WWP2: variants seen among roughly 807,000 people sequenced by gnomAD.
The protein encoded by WWP2 is WW domain containing E3 ubiquitin protein ligase 2.
Under a neutral mutation model 121.0 loss-of-function variants are expected in WWP2, and 57 were observed. That is an observed-to-expected ratio of 0.47 (90% CI 0.38 to 0.59). The LOEUF is 0.59. Among genes scored for constraint, WWP2 ranks in the 20% least tolerant of loss-of-function variants. The pLI is 0.00. For synonymous variants in WWP2, 449 were observed against 441.3 expected (o/e 1.02, Z -0.22); for missense variants, 962 against 1,158.9 (o/e 0.83, Z 2.47).
chr16:69,828,546 C>T (rs1330264147), intron 4 of WWP2, among the ~76,000 whole-genome samples: 3 of 151,900 alleles, frequency 2.0e-5, no homozygotes. Context: ...TTGTATTTTT[C>T]GTAGAGACGG....
rs957565346 is a variant in WWP2, at chr16:69,770,988, G to A, written c.-16+8597G>A. Among the ~76,000 whole-genome samples the A allele has an allele frequency of 8.6e-5, 13 of 151,462 alleles. No individual in the cohort carries two copies. The East Asian group carries it at 2.5e-3, about 29-fold the overall frequency. On this transcript the variant is annotated intron_variant, in intron 1 of 23. Transcript: ENST00000359154. Reference sequence around the variant, plus strand: ...TCTCTATTAAAAAAAAAAAAAAAAGGTAGTATTCTGTGTTGTGAGAGTATA... The same window carrying A: ...TCTCTATTAAAAAAAAAAAAAAAAGATAGTATTCTGTGTTGTGAGAGTATA...
At chr16:69,864,422 A>G (rs1005966708) in intron 6 of WWP2, among the ~76,000 whole-genome samples, 3 of 152,190 alleles carry the variant, frequency 2.0e-5, no homozygotes, top group South Asian at 2.1e-4. Flanking sequence ...CCAAGCATAT[A>G]TTTAACTTTA....
At chr16:69,917,365 T>C (rs2058492589) in intron 9 of WWP2, among the ~76,000 whole-genome samples, 1 of 152,226 alleles carries the variant, frequency 6.6e-6, no homozygotes, top group South Asian at 2.1e-4. Flanking sequence ...TGAGCAACTA[T>C]TATTTTTCCT....
chr16:69,921,040 ATTC>A (rs1411696893), intron 10 of WWP2, among the ~76,000 whole-genome samples: 2 of 152,148 alleles, frequency 1.3e-5, no homozygotes, highest in Non-Finnish European at 2.9e-5. Flanking sequence ...ACACTAAAAA[ATTC>A]TTCTTTCTGA....
chr16:69,789,599 T>C (rs746549139), intron 2 of WWP2, among the ~76,000 whole-genome samples: 2 of 152,214 alleles, frequency 1.3e-5, no homozygotes, highest in Non-Finnish European at 2.9e-5. Flanking sequence ...TTGTTTCTTG[T>C]GTGTCTCTTC....
At chr16:69,924,984 T>A (rs1285499421) in intron 10 of WWP2, 1 of 989,172 alleles carries the variant, frequency 1.0e-6, no homozygotes, top group Non-Finnish European at 1.2e-6. Flanking sequence ...GCCTGCGATA[T>A]TTTTTCCCCT....
chr16:69,928,169 T>C (rs966779823), intron 11 of WWP2, among the ~76,000 whole-genome samples: 4 of 152,162 alleles, frequency 2.6e-5, no homozygotes, highest in Admixed American at 6.5e-5. Flanking sequence ...CCTGTTCTGC[T>C]CCTTTTTCAG....
At chr16:69,764,396 TTGCCCGGGC>T (rs2151761428) in intron 1 of WWP2, among the ~76,000 whole-genome samples, 1 of 152,240 alleles carries the variant, frequency 6.6e-6, no homozygotes, top group African/African-American at 2.4e-5. Flanking sequence ...TTTTGCTATG[TTGCCCGGGC>T]TGTTTTCAAA....
chr16:69,934,525 T>C (rs143050571), intron 17 of WWP2, among the ~76,000 whole-genome samples: 10 of 151,386 alleles, frequency 6.6e-5, no homozygotes, highest in Admixed American at 5.9e-4. Context: ...ACATTAAATA[T>C]GTGCTCTGTT....
rs758627189 is a variant in WWP2, at chr16:69,931,193, G to A, written c.1487G>A (p.Arg496Gln). The change falls in exon 14 of 24, where the codon CGG becomes CAG. Residue 496 changes from arginine (R) to glutamine (Q), a missense_variant. By Grantham distance (43) the Arg-to-Gln change is conservative. Transcript: ENST00000359154. ...CCTGGTGCTTATGACCGCAGTTTTC[G>A]GTGGAAGTATCACCAGTTCCGTTTC... is the stretch of plus-strand genomic sequence containing the variant. The part of the protein sequence containing the change: ...GSPGAYDRSF[R>Q]WKYHQFRFLC... The A allele has an allele frequency of 7.4e-6, 12 of 1,614,012 alleles. No individual in the cohort carries two copies. In the East Asian group the frequency reaches 8.9e-5, roughly 12 times the overall value.
intron 10 of WWP2, 50 bp downstream of exon 10, chr16:69,917,933 C>T (rs905570368): frequency 3.1e-5 from 47 of 1,540,492 alleles, no homozygotes; most frequent in Middle Eastern, 2.0e-4. Flanking sequence ...CCTGCGCTTG[C>T]GAATGTGCAG....
chr16:69,881,577 A>C (rs1395720591), intron 7 of WWP2, among the ~76,000 whole-genome samples: 1 of 152,268 alleles, frequency 6.6e-6, no homozygotes, highest in East Asian at 1.9e-4. Context: ...TGATTATATA[A>C]GATAGTATTA....
In WWP2 at chr16:69,792,134, G is replaced by A. The variant is rs568091562; in HGVS notation, c.70+5054G>A. Among the ~76,000 whole-genome samples, 12 of 152,232 alleles carry A rather than the reference G, an allele frequency of 7.9e-5. 1 individual carries two copies. The highest frequency in any genetic ancestry group is 2.6e-4 in the African/African-American group (11 of 41,524). Reference sequence around the variant, plus strand: ...TGTAACCTGTGGGGTGTGACTGCGCGGTTTCCAGTTCCCTTGTGCCTGCCC... The same window carrying A: ...TGTAACCTGTGGGGTGTGACTGCGCAGTTTCCAGTTCCCTTGTGCCTGCCC... On this transcript the variant is annotated intron_variant, in intron 2 of 23. Coordinates refer to ENST00000359154, the MANE Select transcript of WWP2 (RefSeq NM_001270454.2).
At chr16:69,836,664 G>A (rs1470976703) in intron 4 of WWP2, among the ~76,000 whole-genome samples, 1 of 152,174 alleles carries the variant, frequency 6.6e-6, no homozygotes, top group Non-Finnish European at 1.5e-5. Context: ...AGGCTGGAGT[G>A]CAGTGGCGCA....
intron 10 of WWP2, among the ~76,000 whole-genome samples, chr16:69,922,748 T>G (rs1326564607): frequency 6.6e-6 from 1 of 152,270 alleles, no homozygotes; most frequent in East Asian, 1.9e-4. Flanking sequence ...TTTTTCAAGT[T>G]GTACTGCGTA....
At chr16:69,896,132 T>C (rs1010672346) in intron 8 of WWP2, among the ~76,000 whole-genome samples, 1 of 152,102 alleles carries the variant, frequency 6.6e-6, no homozygotes, top group Non-Finnish European at 1.5e-5. Flanking sequence ...CTTTCTTTCC[T>C]TTTTTTGGAG....
chr16:69,809,349 G>A (rs1337832795), intron 4 of WWP2, among the ~76,000 whole-genome samples: 2 of 152,268 alleles, frequency 1.3e-5, no homozygotes, highest in South Asian at 2.1e-4. Context: ...CCAAAGATGG[G>A]GAGGTTTGAA....
At chr16:69,843,704 A>G (rs918233464) in intron 6 of WWP2, among the ~76,000 whole-genome samples, 2 of 152,106 alleles carry the variant, frequency 1.3e-5, no homozygotes, top group South Asian at 2.1e-4. Context: ...CTCTGTCTCT[A>G]TAAAAGATAG....
intron 1 of WWP2, among the ~76,000 whole-genome samples, chr16:69,780,487 C>T (rs2055641761): frequency 6.6e-6 from 1 of 152,172 alleles, no homozygotes; most frequent in Non-Finnish European, 1.5e-5. Context: ...TCTCCCTCTG[C>T]AAATGCCTGG....
Sources: gnomAD v4.1 joint callset for allele counts (sites outside exome capture counted in the v4.1 genomes callset) on GRCh38, gnomAD v4.1.1 for gene constraint, MANE v1.5 for transcripts, NCBI Gene and HGNC (gene_info 2026-07-23, HGNC 2026-07-21) for gene names.